Variants in ATP8A2 observed in about 807,000 individuals in gnomAD.
ATP8A2 encodes the protein ATPase phospholipid transporting 8A2.
Under a neutral mutation model 165.6 loss-of-function variants are expected in ATP8A2, and 100 were observed. The ratio of observed to expected loss-of-function variants is 0.60; its 90% CI spans 0.51 to 0.71. ATP8A2 has a LOEUF of 0.71. ATP8A2 is among the 30% of genes least tolerant of loss of function. The pLI is 0.00. For synonymous variants in ATP8A2, 543 were observed against 548.8 expected, an observed-to-expected ratio of 0.99 and a Z score of 0.15; for missense variants, 1,227 against 1,479.5, an observed-to-expected ratio of 0.83 and a Z score of 2.80.
chr13:25,922,226 T>A (rs1954481578), intron 33 of ATP8A2, among the ~76,000 whole-genome samples: 1 of 152,238 alleles, frequency 6.6e-6, no homozygotes, highest in African/African-American at 2.4e-5. Flanking sequence ...GTCAGTTTAT[T>A]ATGCTTGTTA....
At chr13:25,859,473 A>C (rs978507457) in intron 30 of ATP8A2, among the ~76,000 whole-genome samples, 2 of 152,042 alleles carry the variant, frequency 1.3e-5, no homozygotes, top group African/African-American at 2.4e-5. Context: ...TAAAAAACAG[A>C]CTTCTCTGTG....
At chr13:25,884,057 G>C (rs1005101368) in intron 33 of ATP8A2, among the ~76,000 whole-genome samples, 1 of 152,136 alleles carries the variant, frequency 6.6e-6, no homozygotes, top group South Asian at 2.1e-4. Flanking sequence ...GAGAAATGGG[G>C]TTCTTCAGAC....
intron 24 of ATP8A2, among the ~76,000 whole-genome samples, chr13:25,681,710 T>C (rs1407144461): frequency 1.3e-5 from 2 of 152,224 alleles, no homozygotes; most frequent in Non-Finnish European, 2.9e-5. Flanking sequence ...ATTTTTCTCT[T>C]TTTAGCTCCC....
intron 30 of ATP8A2, among the ~76,000 whole-genome samples, chr13:25,854,968 T>G (rs1740013421): frequency 6.6e-6 from 1 of 152,078 alleles, no homozygotes; most frequent in South Asian, 2.1e-4. Flanking sequence ...GAATCACTCC[T>G]GGCCGGGCAC....
intron 35 of ATP8A2, 43 bp downstream of exon 35, chr13:25,968,722 C>T (rs547905125): frequency 4.8e-5 from 71 of 1,482,920 alleles, no homozygotes; most frequent in African/African-American, 3.3e-4. Flanking sequence ...CAGGTGCTCC[C>T]GGCCCTTTTC....
intron 33 of ATP8A2, among the ~76,000 whole-genome samples, chr13:25,899,646 G>A (rs1258502925): frequency 6.6e-6 from 1 of 151,984 alleles, no homozygotes; most frequent in Non-Finnish European, 1.5e-5. Flanking sequence ...AGAGCATGGT[G>A]TGTTCTGAGG....
chr13:25,422,598 C>T (rs57333989), intron 1 of ATP8A2, among the ~76,000 whole-genome samples: 2,039 of 152,266 alleles, frequency 0.013, 47 homozygotes, highest in African/African-American at 0.046. Context: ...AAACAATGAA[C>T]TTGACCTTCA....
chr13:25,809,222 G>A (rs146021752), intron 27 of ATP8A2, among the ~76,000 whole-genome samples: 13 of 152,240 alleles, frequency 8.5e-5, no homozygotes, highest in African/African-American at 3.1e-4. Context: ...AAAACTACCT[G>A]TTAGGTACTT....
chr13:25,705,040 G>A (rs1383723343), intron 25 of ATP8A2: 1 of 264,712 alleles, frequency 3.8e-6, no homozygotes, highest in Non-Finnish European at 7.4e-6. Flanking sequence ...AAGTCTTGTA[G>A]GATTTGTCAT....
intron 2 of ATP8A2, among the ~76,000 whole-genome samples, chr13:25,520,193 C>G (rs1463107570): frequency 6.6e-6 from 1 of 152,206 alleles, no homozygotes; most frequent in Non-Finnish European, 1.5e-5. Flanking sequence ...CTCCTAGCCT[C>G]TGGTAACCAC....
In ATP8A2 at chr13:25,530,550, C is replaced by T. The variant is rs1455375931; in HGVS notation, c.322-12C>T. The T allele has an allele frequency of 3.3e-6, 5 of 1,521,472 alleles. No individual in the cohort carries two copies. In the Admixed American group the frequency reaches 5.6e-5, roughly 17 times the overall value. 94.2% of individuals were successfully genotyped at this position (1,521,472 alleles called of 1,614,324 possible). On this transcript the variant is annotated splice_polypyrimidine_tract_variant and intron_variant, in intron 3 of 36. Transcript: ENST00000381655. Reference sequence around the variant, plus strand: ...TGTGCCAACTTCCTACTTGTGGTCTCTTATCTTCCAGCAAATTCCAGATGT... The same window carrying T: ...TGTGCCAACTTCCTACTTGTGGTCTTTTATCTTCCAGCAAATTCCAGATGT...
intron 24 of ATP8A2, among the ~76,000 whole-genome samples, chr13:25,688,447 T>C (rs1177647352): frequency 6.6e-6 from 1 of 152,200 alleles, no homozygotes; most frequent in Non-Finnish European, 1.5e-5. Context: ...TCTGCAGTGC[T>C]GAGGCCACCG....
chr13:25,922,723 A>G (rs911641629), intron 33 of ATP8A2, among the ~76,000 whole-genome samples: 2 of 152,234 alleles, frequency 1.3e-5, no homozygotes, highest in Non-Finnish European at 2.9e-5. Flanking sequence ...ACGTCCACAC[A>G]GGTCCAGATA....
At chr13:25,938,277 G>A (rs756552393) in intron 33 of ATP8A2, among the ~76,000 whole-genome samples, 7 of 152,150 alleles carry the variant, frequency 4.6e-5, no homozygotes, top group Non-Finnish European at 1.0e-4. Flanking sequence ...TGAAAGAGAT[G>A]AGAGGAAACG....
intron 27 of ATP8A2, among the ~76,000 whole-genome samples, chr13:25,812,041 A>C (rs1225079092): frequency 6.6e-6 from 1 of 151,952 alleles, no homozygotes; most frequent in Non-Finnish European, 1.5e-5. Flanking sequence ...CTTCCCACAT[A>C]GTTACATCTC....
At chr13:25,567,462 C>T (rs570365834) in intron 16 of ATP8A2, 121 of 451,190 alleles carry the variant, frequency 2.7e-4, no homozygotes, top group South Asian at 1.9e-3. Flanking sequence ...AGCCAAATTT[C>T]TTTTTAGTTT....
intron 33 of ATP8A2, among the ~76,000 whole-genome samples, chr13:25,926,531 T>C (rs1298481132): frequency 6.6e-6 from 1 of 152,210 alleles, no homozygotes; most frequent in Non-Finnish European, 1.5e-5. Flanking sequence ...CCATGGTATC[T>C]GCTGCATGGA....
chr13:25,974,631 T>A (rs533122034), intron 35 of ATP8A2, among the ~76,000 whole-genome samples: 8 of 152,196 alleles, frequency 5.3e-5, no homozygotes, highest in African/African-American at 1.9e-4. Flanking sequence ...CCCCTGTCCA[T>A]CTGAGCTGCA....
chr13:25,614,849 G>A, intron 24 of ATP8A2, among the ~76,000 whole-genome samples: 1 of 152,230 alleles, frequency 6.6e-6, no homozygotes, highest in Non-Finnish European at 1.5e-5. Flanking sequence ...GTCCTGTGAT[G>A]TGGACTGTCT....
Sources: allele counts gnomAD v4.1 joint callset (sites outside exome capture counted in the v4.1 genomes callset), GRCh38; gene constraint gnomAD v4.1.1; transcripts MANE v1.5; gene names NCBI Gene and HGNC (gene_info 2026-07-23, HGNC 2026-07-21).